NFIC: variants seen among roughly 807,000 people sequenced by gnomAD.
NFIC encodes nuclear factor I C.
In NFIC, 12 loss-of-function variants were observed where a neutral mutation model predicts 54.4. The ratio of observed to expected loss-of-function variants is 0.22; its 90% CI spans 0.14 to 0.36. The LOEUF is 0.36. NFIC is among the 10% of genes least tolerant of loss of function. The probability of loss-of-function intolerance (pLI) is 1.00; values close to 1 mark genes in which losing one functional copy is unlikely to be tolerated. For missense variants in NFIC, 575 were observed against 718.2 expected (o/e 0.80, Z 2.28); for synonymous variants, 322 against 319.2 (o/e 1.01, Z -0.09).
intron 1 of NFIC, among the ~76,000 whole-genome samples, chr19:3,367,625 C>A (rs2080920685): frequency 6.6e-6 from 1 of 152,220 alleles, no homozygotes; most frequent in Non-Finnish European, 1.5e-5. Context: ...CTCCCGGGGA[C>A]CCCGAGGTCT....
intron 1 of NFIC, among the ~76,000 whole-genome samples, chr19:3,372,717 G>GGGT (rs1357005454): frequency 1.3e-5 from 2 of 150,326 alleles, no homozygotes; most frequent in African/African-American, 4.9e-5. Context: ...TGGGGTGGGG[G>GGGT]GGTGCCAGGA....
At chr19:3,399,701 G>A (rs536522463) in intron 2 of NFIC, among the ~76,000 whole-genome samples, 1 of 152,184 alleles carries the variant, frequency 6.6e-6, no homozygotes, top group Admixed American at 6.5e-5. Flanking sequence ...GGGAAACCCC[G>A]TCTCTACTAA....
chr19:3,419,051 C>T (rs548437314), intron 2 of NFIC, among the ~76,000 whole-genome samples: 15 of 149,466 alleles, frequency 1.0e-4, no homozygotes, highest in African/African-American at 3.2e-4. Context: ...AGTAGGTTGG[C>T]GGGGTCAGGG....
At chr19:3,367,171 G>T (rs1482015494) in intron 1 of NFIC, among the ~76,000 whole-genome samples, 1 of 152,180 alleles carries the variant, frequency 6.6e-6, no homozygotes, top group Admixed American at 6.5e-5. Context: ...CACCAAGGTT[G>T]TGCGGGCCGC....
intron 2 of NFIC, among the ~76,000 whole-genome samples, chr19:3,424,522 A>G (rs7260384): frequency 0.85 from 128,507 of 151,968 alleles, 54,463 homozygotes; most frequent in East Asian, 0.93. Flanking sequence ...GATTACAGGT[A>G]CGCATCACCA....
At chr19:3,462,275 G>A (rs189590790) in intron 10 of NFIC, among the ~76,000 whole-genome samples, 5 of 151,954 alleles carry the variant, frequency 3.3e-5, no homozygotes, top group East Asian at 1.9e-4. Flanking sequence ...CCAGCTACTC[G>A]GGAGGCTGAG....
At chr19:3,450,881 G>A (rs1440988519) in intron 7 of NFIC, among the ~76,000 whole-genome samples, 2 of 152,176 alleles carry the variant, frequency 1.3e-5, no homozygotes, top group Admixed American at 6.5e-5. Context: ...CTGTTCTTAC[G>A]AATAAAGTTT....
chr19:3,386,786 G>T (rs1224128405), intron 2 of NFIC, among the ~76,000 whole-genome samples: 1 of 152,206 alleles, frequency 6.6e-6, no homozygotes, highest in African/African-American at 2.4e-5. Context: ...TTGTCAGAAG[G>T]GGATGGGCGG....
Position 3,434,305 on chromosome 19 carries a change from C to T in NFIC, c.738C>T (p.Asn246=), listed in dbSNP as rs374471241. The change falls in exon 5 of 11, where the codon AAC becomes AAT. Residue 246 remains asparagine, a synonymous_variant. Coordinates refer to ENST00000443272, the MANE Select transcript of NFIC (RefSeq NM_001245002.2). The stretch of plus-strand genomic sequence containing the variant: ...CCGTGGTGACTGGAACAGGACCCAA[C>T]TTCTCCCTGGGGGAGCTGCAGGGGC... ...RTPVVTGTGP[N]FSLGELQGHL... The T allele has an allele frequency of 1.4e-5, 23 of 1,612,864 alleles. No homozygotes were observed. The African/African-American group carries it at 2.5e-4, about 18-fold the overall frequency.
chr19:3,406,134 C>T (rs2145554900), intron 2 of NFIC, among the ~76,000 whole-genome samples: 1 of 152,194 alleles, frequency 6.6e-6, no homozygotes, highest in South Asian at 2.1e-4. Flanking sequence ...ACTCTGTTGC[C>T]CAGGCTGGAG....
intron 2 of NFIC, among the ~76,000 whole-genome samples, chr19:3,388,322 G>A (rs934604160): frequency 1.3e-5 from 2 of 152,112 alleles, no homozygotes; most frequent in East Asian, 1.9e-4. Flanking sequence ...AACACACATG[G>A]CGTGCCCTCT....
Position 3,467,513 on chromosome 19 carries a change from G to C in NFIC, c.*4744G>C, listed in dbSNP as rs931041569. 6.6e-6 allele frequency: 1 copy of C among 151,284 alleles called. No individual in the cohort carries two copies. Among genetic ancestry groups the C allele is most frequent in the Non-Finnish European group, 1.5e-5 (1 of 67,840 alleles). 9.4% of individuals were successfully genotyped at this position (151,284 alleles called of 1,614,324 possible). ...ACTCGGTTGGGAGAGCCGCTTAGGG[G>C]CCAGACCTGGGTCCCCCTGCAGGTC... On this transcript the variant is annotated 3_prime_UTR_variant, in exon 11 of 11. Transcript: ENST00000443272.
At chr19:3,406,212 C>G (rs1177168947) in intron 2 of NFIC, among the ~76,000 whole-genome samples, 2 of 152,206 alleles carry the variant, frequency 1.3e-5, no homozygotes, top group Non-Finnish European at 2.9e-5. Flanking sequence ...CCTGCCTCAG[C>G]CTTCCAAGTA....
intron 3 of NFIC, among the ~76,000 whole-genome samples, chr19:3,428,171 C>CAA (rs71164700): frequency 1.6e-5 from 2 of 122,156 alleles, no homozygotes; most frequent in African/African-American, 6.7e-5. Flanking sequence ...AACTCCGTCT[C>CAA]AAAAAAAAAA....
intron 6 of NFIC, among the ~76,000 whole-genome samples, chr19:3,437,764 C>T (rs2082228313): frequency 6.6e-6 from 1 of 151,586 alleles, no homozygotes. Context: ...ATCTCGGCTC[C>T]ACCTCCTGGG....
rs771779620 is a variant in NFIC at position 3,452,665 on chromosome 19, C to T, written c.1268C>T (p.Pro423Leu). ...GACCCAGCCAGCCAGCAACCTGGAC[C>T]GGTGAGTTGGGCGGGGCGCATTCGG... ...ACDPASQQPGPLNGSGQLKMP... is the reference protein window; with the variant it reads ...ACDPASQQPGLLNGSGQLKMP... The change falls in exon 8 of 11, where the codon CCG becomes CTG. Residue 423 changes from proline to leucine, a missense_variant and splice_region_variant. Pro to Leu is a moderately conservative substitution (Grantham distance 98, BLOSUM62 -3). Around this residue, in one of 3 missense-constraint regions of NFIC, gnomAD observed 447 missense variants for 526.9 expected, o/e 0.85. Transcript: ENST00000443272. The surrounding 1 kb of genome is among the most constrained non-coding windows in gnomAD (Gnocchi z 5.3). 21 of 1,603,470 alleles carry T rather than the reference C, an allele frequency of 1.3e-5. No individual in the cohort carries two copies. The highest frequency in any genetic ancestry group is 1.6e-5 in the Non-Finnish European group (19 of 1,175,270).
intron 2 of NFIC, among the ~76,000 whole-genome samples, chr19:3,415,587 T>C (rs2024161): frequency 0.94 from 142,195 of 152,060 alleles, 66,520 homozygotes; most frequent in East Asian, 0.97. Flanking sequence ...CAGAGGAGGA[T>C]GGGAACCCAG....
In NFIC at chr19:3,465,430, T is replaced by TAAAAAAAAAAAA. The variant is rs10617203; in HGVS notation, c.*2674_*2685dup. On this transcript the variant is annotated 3_prime_UTR_variant, in exon 11 of 11. Transcript: ENST00000443272. ...AATAAAAAATAAGAAAGTGAGAATC[T>TAAAAAAAAAAAA]AAAAAAAAAAAAAAAAAAAAAAAAG... 1 of 60,812 alleles carries TAAAAAAAAAAAA rather than the reference T, an allele frequency of 1.6e-5. No homozygotes were observed. Among genetic ancestry groups the TAAAAAAAAAAAA allele is most frequent in the African/African-American group, 5.9e-5 (1 of 17,088 alleles). 3.8% of individuals were successfully genotyped at this position (60,812 alleles called of 1,614,324 possible).
chr19:3,359,732 G>T lies in NFIC; in HGVS notation c.3+47G>T. The stretch of plus-strand genomic sequence containing the variant: ...CGTTTTCGCCCGGGGACTTTTTGGG[G>T]TGGTGCGTGGGCTCCGGGCGAAAGT... On this transcript the variant is annotated intron_variant, in intron 1 of 9. Coordinates refer to the NFIC transcript ENST00000395111. The T allele has an allele frequency of 2.1e-6, 3 of 1,407,980 alleles. No individual in the cohort carries two copies. The South Asian group carries it at 4.4e-5, about 21-fold the overall frequency. 87.2% of individuals were successfully genotyped at this position (1,407,980 alleles called of 1,614,324 possible). A position where few individuals can be genotyped will look rare whatever the true frequency, so the allele number is the denominator to read the frequency against.
Sources: gnomAD v4.1 joint callset for allele counts (sites outside exome capture counted in the v4.1 genomes callset) on GRCh38, gnomAD v4.1.1 for gene constraint, gnomAD v4.1.1 regional missense constraint, Gnocchi (gnomAD v3.1) non-coding constraint, MANE v1.5 for transcripts, NCBI Gene and HGNC (gene_info 2026-07-23, HGNC 2026-07-21) for gene names.